Variants in TMPO observed in about 807,000 individuals in gnomAD.
TMPO encodes the protein thymopoietin.
TMPO carries 22 observed loss-of-function variants against 45.4 expected under a neutral mutation model. The observed-to-expected ratio is 0.48, with a 90% CI of 0.35 to 0.69. The LOEUF is 0.69. TMPO is among the 30% of genes least tolerant of loss of function. The probability of loss-of-function intolerance (pLI) is 0.01; values close to 1 mark genes in which losing one functional copy is unlikely to be tolerated. For missense variants in TMPO, 512 were observed against 548.8 expected, an observed-to-expected ratio of 0.93 and a Z score of 0.67; for synonymous variants, 241 against 204.1, an observed-to-expected ratio of 1.18 and a Z score of -1.54.
chr12:98,537,790 TTG>T, intron 4 of TMPO: 1 of 635,832 alleles, frequency 1.6e-6, no homozygotes, highest in South Asian at 1.8e-5. Context: ...TCATTTGTGT[TTG>T]AGTCTGTGCT....
At position 98,537,455 on chromosome 12, in the gene TMPO, T is replaced by C. The variant is rs1237440538; in HGVS notation, c.566-20T>C. ...ATTGAGTGTTTCAGAGAGTAATGGT[T>C]TCTCCAATGTTATTTCCAGACTCTA... On this transcript the variant is annotated intron_variant, in intron 3 of 8. Transcript: ENST00000556029. 1 of 1,573,624 alleles carries C rather than the reference T, an allele frequency of 6.4e-7. No homozygotes were observed. Among genetic ancestry groups the C allele is most frequent in the South Asian group, 1.1e-5 (1 of 90,022 alleles).
At chr12:98,529,303 C>T (rs1239215631) in intron 2 of TMPO, among the ~76,000 whole-genome samples, 1 of 152,122 alleles carries the variant, frequency 6.6e-6, no homozygotes, top group Non-Finnish European at 1.5e-5. Context: ...ATCCCACCCA[C>T]CTCAGGCTCC....
rs182720816 is a variant in TMPO, at chr12:98,537,880, A to G, written c.663+308A>G. ...GTGGAAATATCTAGACACTTTTGAT[A>G]CAATTTCTTTAAAAGGCAATGGAAG... On this transcript the variant is annotated intron_variant, in intron 4 of 8. Coordinates refer to ENST00000556029, the MANE Select transcript of TMPO (RefSeq NM_001032283.3). Among the ~76,000 whole-genome samples the G allele has an allele frequency of 1.7e-3, 243 of 142,998 alleles. 1 individual carries two copies. The highest frequency in any genetic ancestry group is 3.6e-3 in the Middle Eastern group (1 of 280). The allele number at this position is 142,998 out of a possible 152,430, so 93.8% of individuals were successfully genotyped here.
Position 98,529,734 on chromosome 12 carries a change from GT to G in TMPO, c.406+1727del, listed in dbSNP as rs1301942620. On this transcript the variant is annotated intron_variant, in intron 2 of 8. Coordinates refer to ENST00000556029, the MANE Select transcript of TMPO (RefSeq NM_001032283.3). ...CCACCATTCCCGGCTAATTTTTGTA[GT>G]TTTTGTAGGGATGGGGGCACACTAT... Among the ~76,000 whole-genome samples, 4 of 151,998 alleles carry G rather than the reference GT, an allele frequency of 2.6e-5. No homozygotes were observed. In the East Asian group the frequency reaches 7.8e-4, roughly 30 times the overall value.
At chr12:98,526,085 A>T (rs574929360) in intron 1 of TMPO, among the ~76,000 whole-genome samples, 21 of 152,300 alleles carry the variant, frequency 1.4e-4, no homozygotes, top group Non-Finnish European at 2.8e-4. Context: ...TTTTCCAGTA[A>T]ATACTGCCTT....
rs535703113 is a variant in TMPO at position 98,550,271 on chromosome 12, A to G, written c.*2413A>G. ...CTTCCTGATTAAATTGTAGATGTAG[A>G]CTTTACAATATAATTCAATAATAAA... On this transcript the variant is annotated 3_prime_UTR_variant, in exon 9 of 9. Transcript: ENST00000556029. The G allele has an allele frequency of 6.6e-6, 1 of 152,214 alleles. No homozygotes were observed. The highest frequency in any genetic ancestry group is 2.1e-4 in the South Asian group (1 of 4,832). 9.4% of individuals were successfully genotyped at this position (152,214 alleles called of 1,614,324 possible). A position where few individuals can be genotyped will look rare whatever the true frequency, so the allele number is the denominator to read the frequency against.
chr12:98,524,238 A>T (rs976194380), intron 1 of TMPO, among the ~76,000 whole-genome samples: 5 of 152,196 alleles, frequency 3.3e-5, no homozygotes, highest in Non-Finnish European at 5.9e-5. Flanking sequence ...CAAGGTGAAG[A>T]ATCAGAAATG....
At chr12:98,531,637 A>G in intron 2 of TMPO, 43 bp from the exon 3 acceptor site, 1 of 1,603,292 alleles carries the variant, frequency 6.2e-7, no homozygotes, top group Non-Finnish European at 8.5e-7. Context: ...TGCATCCTAA[A>G]TGAAACAATA....
intron 4 of TMPO, among the ~76,000 whole-genome samples, chr12:98,543,033 TATAG>T (rs1440809769): frequency 6.6e-6 from 1 of 152,094 alleles, no homozygotes; most frequent in Admixed American, 6.5e-5. Flanking sequence ...CAATTCCAAA[TATAG>T]ATAAATACAA....
At position 98,549,190 on chromosome 12, in the gene TMPO, A is replaced by G. The variant is rs1878391599; in HGVS notation, c.*1332A>G. 1.3e-5 allele frequency: 2 copies of G among 152,178 alleles called. No individual in the cohort carries two copies. Among genetic ancestry groups the G allele is most frequent in the African/African-American group, 4.8e-5 (2 of 41,452 alleles). 9.4% of individuals were successfully genotyped at this position (152,178 alleles called of 1,614,324 possible). On this transcript the variant is annotated 3_prime_UTR_variant, in exon 9 of 9. Transcript: ENST00000556029. The stretch of plus-strand genomic sequence containing the variant: ...CATAAGCAGTAGTTAATAAAGTTGT[A>G]TACTCTTAAGAGGTGGGCATTATGA...
chr12:98,526,182 G>A (rs531401882), intron 1 of TMPO, among the ~76,000 whole-genome samples: 89 of 152,322 alleles, frequency 5.8e-4, no homozygotes, highest in Middle Eastern at 6.8e-3. Context: ...TGGTGGTACA[G>A]AAGTTAATCT....
At chr12:98,526,917 C>T (rs1466669017) in intron 1 of TMPO, among the ~76,000 whole-genome samples, 11 of 151,610 alleles carry the variant, frequency 7.3e-5, no homozygotes, top group East Asian at 1.9e-4. Context: ...AAGATTGCAC[C>T]GCTGCGCTCC....
chr12:98,531,020 G>A (rs1170553851), intron 2 of TMPO, among the ~76,000 whole-genome samples: 1 of 152,128 alleles, frequency 6.6e-6, no homozygotes, highest in African/African-American at 2.4e-5. Flanking sequence ...TCAGCTCACC[G>A]CAACCTCCAT....
At chr12:98,544,134 G>A in intron 4 of TMPO, 96 bp from the exon 5 acceptor site, 1 of 1,372,956 alleles carries the variant, frequency 7.3e-7, no homozygotes, top group Non-Finnish European at 1.0e-6. Context: ...GGCATTTGGA[G>A]ACTTCTATTT....
chr12:98,545,131 T>TTTG (rs1878152798), intron 7 of TMPO, 70 bp downstream of exon 7: 85 of 784,858 alleles, frequency 1.1e-4, no homozygotes, highest in African/African-American at 5.7e-4. Flanking sequence ...ATTTGTTTGT[T>TTTG]TTTTTTTTTT....
chr12:98,534,832 T>C, intron 3 of TMPO: 1 of 1,003,112 alleles, frequency 1.0e-6, no homozygotes, highest in Non-Finnish European at 1.2e-6. Flanking sequence ...TTCTTACTTT[T>C]CTTTGTTATT....
intron 4 of TMPO, among the ~76,000 whole-genome samples, chr12:98,538,542 G>A (rs1263169154): frequency 6.6e-6 from 1 of 151,964 alleles, no homozygotes; most frequent in Non-Finnish European, 1.5e-5. Context: ...TAGTAGAGAC[G>A]GGGTTTCACC....
rs200199961 is a variant in TMPO, at chr12:98,545,132, T to TTG, written c.990+72_990+73insGT. ...GAGGAAATATAAATATTTGTTTGTT[T>TTG]TTTTTTTTTTTTTTTGGAGTGGGAG... On this transcript the variant is annotated intron_variant, in intron 7 of 8. Transcript: ENST00000556029. 2.7e-3 allele frequency: 2,739 copies of TTG among 1,007,028 alleles called. 3 individuals carry two copies. Among genetic ancestry groups the TTG allele is most frequent in the African/African-American group, 0.013 (754 of 56,814 alleles). 62.4% of individuals were successfully genotyped at this position (1,007,028 alleles called of 1,614,324 possible).
In TMPO at chr12:98,527,868, A is replaced by C. The variant is rs777297343; in HGVS notation, c.280-18A>C. ...CACTTTAATTCATATGGAAATGATT[A>C]CTGGACTTTGTTTACAGAAAGCCAC... On this transcript the variant is annotated intron_variant, in intron 1 of 8. Coordinates refer to ENST00000556029, the MANE Select transcript of TMPO (RefSeq NM_001032283.3). The C allele has an allele frequency of 4.3e-6, 7 of 1,613,088 alleles. No homozygotes were observed. Among genetic ancestry groups the C allele is most frequent in the African/African-American group, 2.7e-5 (2 of 74,904 alleles).
Sources: allele counts gnomAD v4.1 joint callset (sites outside exome capture counted in the v4.1 genomes callset), GRCh38; gene constraint gnomAD v4.1.1; transcripts MANE v1.5; gene names NCBI Gene and HGNC (gene_info 2026-07-23, HGNC 2026-07-21).